RARB: variants seen among roughly 807,000 people sequenced by gnomAD.
The protein encoded by RARB is HBV-activated protein.
In RARB, 17 loss-of-function variants were observed where a neutral mutation model predicts 51.9. The observed-to-expected ratio is 0.33, with a 90% confidence interval of 0.22 to 0.49. The LOEUF (loss-of-function observed/expected upper bound fraction) is 0.49. Ranked by LOEUF, RARB falls within the 20% of genes least tolerant of loss-of-function variation. RARB has a pLI of 0.99. For synonymous variants in RARB, 215 were observed against 195.4 expected (o/e 1.10, Z -0.84); for missense variants, 369 against 550.8 (o/e 0.67, Z 3.30).
Position 25,588,641 on chromosome 3 carries a change from G to T in RARB, c.787-4862G>T, listed in dbSNP as rs188833477. Among the ~76,000 whole-genome samples the T allele has an allele frequency of 3.0e-4, 46 of 152,316 alleles. No individual in the cohort carries two copies. The East Asian group carries it at 7.7e-3, about 26-fold the overall frequency. ...GTGGTTCTGGCTCGGTATCTGTCATGAAATAGCAATCAAGACCCCGGCCAG... is the reference window on the plus strand; with the variant it reads ...GTGGTTCTGGCTCGGTATCTGTCATTAAATAGCAATCAAGACCCCGGCCAG... On this transcript the variant is annotated intron_variant, in intron 5 of 7. Coordinates refer to ENST00000330688, the MANE Select transcript of RARB (RefSeq NM_000965.5).
At chr3:24,988,824 ATTTATTTATT>A (rs1278407289) in intron 2 of RARB, among the ~76,000 whole-genome samples, 1 of 151,826 alleles carries the variant, frequency 6.6e-6, no homozygotes, top group Non-Finnish European at 1.5e-5. Flanking sequence ...TATTATTTTT[ATTTATTTATT>A]TTTATTTTTG....
At chr3:24,892,022 A>T (rs1703390665) in intron 2 of RARB, among the ~76,000 whole-genome samples, 1 of 152,022 alleles carries the variant, frequency 6.6e-6, no homozygotes, top group African/African-American at 2.4e-5. Context: ...TCCCGTGCCC[A>T]CCCACAGCCC....
intron 2 of RARB, among the ~76,000 whole-genome samples, chr3:24,929,505 C>T (rs1208864316): frequency 6.6e-6 from 1 of 152,036 alleles, no homozygotes; most frequent in African/African-American, 2.4e-5. Flanking sequence ...TGGTTTTATT[C>T]TACCTAAAAA....
chr3:24,947,950 T>G, intron 2 of RARB, among the ~76,000 whole-genome samples: 1 of 152,218 alleles, frequency 6.6e-6, no homozygotes, highest in East Asian at 1.9e-4. Context: ...ACCAATTTTT[T>G]TTTTTTCAGG....
chr3:25,186,658 T>C (rs566797466), intron 5 of RARB, among the ~76,000 whole-genome samples: 1 of 152,198 alleles, frequency 6.6e-6, no homozygotes, highest in African/African-American at 2.4e-5. Context: ...TGGAAATGAA[T>C]GAAATGATAA....
intron 1 of RARB, among the ~76,000 whole-genome samples, chr3:25,445,405 C>T (rs1708885186): frequency 6.6e-6 from 1 of 152,178 alleles, no homozygotes; most frequent in South Asian, 2.1e-4. Context: ...TAGCTCACGC[C>T]TGTAATCCCA....
intron 2 of RARB, among the ~76,000 whole-genome samples, chr3:25,041,632 T>A (rs1253812471): frequency 6.6e-6 from 1 of 152,176 alleles, no homozygotes; most frequent in Non-Finnish European, 1.5e-5. Context: ...TGTTTTTTTT[T>A]AATCACTGCT....
rs1706121255 is a variant in RARB, at chr3:25,366,395, A to G, written c.179-94798A>G. Among the ~76,000 whole-genome samples, 4 of 152,214 alleles carry G rather than the reference A, an allele frequency of 2.6e-5. No individual in the cohort carries two copies. In the South Asian group the frequency reaches 6.2e-4, roughly 24 times the overall value. ...TGTTAGTAAAATAATAGGTAGAAAA[A>G]CACAGGAAACAACATCCGCACAACA... On this transcript the variant is annotated intron_variant, in intron 5 of 11. Coordinates refer to the RARB transcript ENST00000383772.
chr3:25,064,125 GTGATATAA>G (rs1698610367), intron 3 of RARB, among the ~76,000 whole-genome samples: 1 of 152,124 alleles, frequency 6.6e-6, no homozygotes, highest in African/African-American at 2.4e-5. Flanking sequence ...GATTGCTTTA[GTGATATAA>G]TGATAACCAA....
chr3:24,943,032 A>G (rs1322740258), intron 2 of RARB, among the ~76,000 whole-genome samples: 1 of 152,210 alleles, frequency 6.6e-6, no homozygotes, highest in Non-Finnish European at 1.5e-5. Flanking sequence ...AGCTACCACA[A>G]TCCAAAGAAA....
At chr3:24,887,212 T>C (rs1225974927) in intron 2 of RARB, among the ~76,000 whole-genome samples, 1 of 152,218 alleles carries the variant, frequency 6.6e-6, no homozygotes, top group Non-Finnish European at 1.5e-5. Flanking sequence ...AAAGATGATG[T>C]ATGAAGAAAA....
At chr3:25,120,527 ATCTCTCTCTCTCTCTC>A (rs138649959) in intron 3 of RARB, among the ~76,000 whole-genome samples, 1 of 136,060 alleles carries the variant, frequency 7.3e-6, no homozygotes, top group Non-Finnish European at 1.5e-5. Context: ...ATATATAAAA[ATCTCTCTCTCTCTCTC>A]TCTCTCTCTC....
intron 2 of RARB, among the ~76,000 whole-genome samples, chr3:25,033,276 A>G (rs1697912265): frequency 6.6e-6 from 1 of 152,186 alleles, no homozygotes; most frequent in African/African-American, 2.4e-5. Context: ...AGCAAAGACA[A>G]TTAAAGTAGG....
chr3:24,854,395 C>G (rs1702606427), intron 1 of RARB, among the ~76,000 whole-genome samples: 1 of 152,188 alleles, frequency 6.6e-6, no homozygotes, highest in South Asian at 2.1e-4. Context: ...ACTTGAGTGA[C>G]TATACTGTAC....
intron 2 of RARB, among the ~76,000 whole-genome samples, chr3:24,869,771 C>T (rs544713522): frequency 1.3e-5 from 2 of 151,986 alleles, no homozygotes; most frequent in East Asian, 3.9e-4. Context: ...TCTGTTTATC[C>T]TCTCTTCCTA....
intron 5 of RARB, among the ~76,000 whole-genome samples, chr3:25,325,108 C>A (rs555131507): frequency 1.3e-5 from 2 of 152,112 alleles, no homozygotes; most frequent in Non-Finnish European, 2.9e-5. Flanking sequence ...AAACAAGGGG[C>A]GGCTTATTCA....
At chr3:25,582,869 A>G (rs1325142797) in intron 5 of RARB, among the ~76,000 whole-genome samples, 1 of 152,214 alleles carries the variant, frequency 6.6e-6, no homozygotes, top group African/African-American at 2.4e-5. Flanking sequence ...ATGCAAATCA[A>G]CAAGGCATTA....
At chr3:25,002,896 A>G (rs1046342745) in intron 2 of RARB, among the ~76,000 whole-genome samples, 2 of 152,132 alleles carry the variant, frequency 1.3e-5, no homozygotes, top group African/African-American at 4.8e-5. Context: ...AAATGCTTAG[A>G]AAAGCATCTG....
Position 25,184,241 on chromosome 3 carries a change from T to C in RARB, c.178+9666T>C, listed in dbSNP as rs75344035. On this transcript the variant is annotated intron_variant, in intron 5 of 11. Coordinates refer to the RARB transcript ENST00000383772. ...GTGCATTGTTAATTTAGTGCTGAGATCCTTTGCCAAATGCCCATAAGCTTT... is the reference window on the plus strand; with the variant it reads ...GTGCATTGTTAATTTAGTGCTGAGACCCTTTGCCAAATGCCCATAAGCTTT... 4.5e-3 allele frequency among the ~76,000 whole-genome samples: 686 copies of C among 152,180 alleles called. 13 individuals are homozygous for C. Among genetic ancestry groups the C allele is most frequent in the South Asian group, 0.041 (197 of 4,824 alleles).
Sources: allele counts gnomAD v4.1 joint callset (sites outside exome capture counted in the v4.1 genomes callset), GRCh38; gene constraint gnomAD v4.1.1; transcripts MANE v1.5; gene names NCBI Gene and HGNC (gene_info 2026-07-23, HGNC 2026-07-21).